The following RASSF3 variants were observed in gnomAD, a reference collection of about 807,000 sequenced individuals.
RASSF3 encodes the protein Ras association domain family member 3.
In RASSF3, 19 loss-of-function variants were observed where a neutral mutation model predicts 19.9. The observed-to-expected ratio is 0.96, with a 90% confidence interval of 0.67 to 1.40. RASSF3 has a LOEUF of 1.40. Among genes scored for constraint, RASSF3 ranks in the 40% most tolerant of loss-of-function variants. The probability of loss-of-function intolerance (pLI) is 0.00; values close to 1 mark genes in which losing one functional copy is unlikely to be tolerated. For synonymous variants in RASSF3, 110 were observed against 104.2 expected, an observed-to-expected ratio of 1.06 and a Z score of -0.34; for missense variants, 306 against 289.8, an observed-to-expected ratio of 1.06 and a Z score of -0.41.
intron 2 of RASSF3, among the ~76,000 whole-genome samples, chr12:64,591,908 T>C (rs1184424630): frequency 7.2e-6 from 1 of 138,668 alleles, no homozygotes; most frequent in Non-Finnish European, 1.5e-5. Context: ...CGGTTGCTGT[T>C]TTTTTTTTTT....
chr12:64,551,193 C>T (rs1361419297), intron 2 of RASSF3, among the ~76,000 whole-genome samples: 3 of 152,152 alleles, frequency 2.0e-5, no homozygotes, highest in African/African-American at 7.2e-5. Flanking sequence ...AGAGCAAGGA[C>T]GGTCAAGGTA....
intron 2 of RASSF3, among the ~76,000 whole-genome samples, chr12:64,561,987 G>GTATGTATTTATTTATTTATT (rs757565540): frequency 7.4e-6 from 1 of 135,342 alleles, no homozygotes; most frequent in African/African-American, 2.6e-5. Flanking sequence ...ATGGCCCATA[G>GTATGTATTTATTTATTTATT]TATTTATTTA....
At chr12:64,655,765 G>T (rs1289207934) in intron 1 of RASSF3, among the ~76,000 whole-genome samples, 1 of 151,998 alleles carries the variant, frequency 6.6e-6, no homozygotes, top group Non-Finnish European at 1.5e-5. Context: ...AGTAGCTCAC[G>T]CCTGTAATTC....
chr12:64,655,924 G>A (rs1302174957), intron 1 of RASSF3, among the ~76,000 whole-genome samples: 1 of 151,600 alleles, frequency 6.6e-6, no homozygotes, highest in Admixed American at 6.6e-5. Context: ...CTACTTGGGA[G>A]GCTAAGGCAG....
intron 1 of RASSF3, among the ~76,000 whole-genome samples, chr12:64,674,415 G>A (rs974523615): frequency 6.6e-5 from 10 of 152,146 alleles, no homozygotes; most frequent in African/African-American, 2.4e-4. Context: ...TATTCTGGGA[G>A]TGAAAGATGT....
chr12:64,527,081 G>C (rs1041693997), intron 1 of RASSF3, among the ~76,000 whole-genome samples: 2 of 152,228 alleles, frequency 1.3e-5, no homozygotes, highest in African/African-American at 4.8e-5. Context: ...GAATGGTGGT[G>C]CAATGAACGT....
chr12:64,541,445 C>A (rs1488636950), intron 1 of RASSF3: 15 of 395,720 alleles, frequency 3.8e-5, no homozygotes, highest in Non-Finnish European at 5.3e-5. Flanking sequence ...ATGGGCCCCA[C>A]ACAAACTCAT....
chr12:64,528,352 T>C (rs1383886453), upstream of RASSF3, among the ~76,000 whole-genome samples: 1 of 152,218 alleles, frequency 6.6e-6, no homozygotes, highest in East Asian at 1.9e-4. Context: ...CACCAGAGTA[T>C]GTCAACCACT....
intron 2 of RASSF3, among the ~76,000 whole-genome samples, chr12:64,587,553 C>T (rs1175914837): frequency 6.6e-6 from 1 of 152,076 alleles, no homozygotes; most frequent in African/African-American, 2.4e-5. Context: ...ATTTAAAAGA[C>T]CTTGGTTTTA....
intron 1 of RASSF3, among the ~76,000 whole-genome samples, chr12:64,675,055 C>A (rs1008160): frequency 2.5e-4 from 29 of 116,390 alleles, no homozygotes; most frequent in East Asian, 1.0e-3. Flanking sequence ...GCCCCCCCCC[C>A]CCCCGCCACC....
intron 1 of RASSF3, among the ~76,000 whole-genome samples, chr12:64,623,167 A>G (rs1206748108): frequency 6.6e-6 from 1 of 152,120 alleles, no homozygotes; most frequent in Non-Finnish European, 1.5e-5. Context: ...ATCTTTTTTG[A>G]TATTTTGCCA....
Position 64,694,836 on chromosome 12 carries a change from A to G in RASSF3, c.641A>G (p.Gln214Arg), listed in dbSNP as rs1201358543. 2 of 1,614,250 alleles carry G rather than the reference A, an allele frequency of 1.2e-6. No homozygotes were observed. Among genetic ancestry groups the G allele is most frequent in the Non-Finnish European group, 1.7e-6 (2 of 1,180,030 alleles). The change falls in exon 5 of 5, where the codon CAG becomes CGG. Residue 214 changes from glutamine to arginine, a missense_variant. Physicochemically the swap from Gln to Arg is conservative, Grantham distance 43 (BLOSUM62 1). Transcript: ENST00000542104. ...GACAAGGAAGAAGATGAACAGCTGC[A>G]GAACCTGAAGAGGCGCTACACAGCC... ...ILDKEEDEQLQNLKRRYTAYR... is the reference protein window; with the variant it reads ...ILDKEEDEQLRNLKRRYTAYR...
intron 3 of RASSF3, 84 bp from the exon 4 acceptor site, chr12:64,691,386 G>T: frequency 1.1e-6 from 1 of 901,820 alleles, no homozygotes; most frequent in South Asian, 1.4e-5. Flanking sequence ...TGGTTACCTT[G>T]ATCTGGAGGA....
At chr12:64,643,491 T>G (rs2136184975) in intron 1 of RASSF3, among the ~76,000 whole-genome samples, 1 of 152,114 alleles carries the variant, frequency 6.6e-6, no homozygotes, top group Non-Finnish European at 1.5e-5. Context: ...ATGGGATGAT[T>G]GTTCTTGTGA....
At chr12:64,576,158 A>G (rs1869592687) in intron 2 of RASSF3, among the ~76,000 whole-genome samples, 1 of 152,194 alleles carries the variant, frequency 6.6e-6, no homozygotes, top group African/African-American at 2.4e-5. Flanking sequence ...TCACAGAAAA[A>G]TTAAACCAAT....
At chr12:64,590,910 A>G (rs1619280) in intron 2 of RASSF3, among the ~76,000 whole-genome samples, 58,770 of 152,050 alleles carry the variant, frequency 0.39, 12,251 homozygotes, top group Non-Finnish European at 0.46. Context: ...AAGAGCATCA[A>G]CCAAGACACA....
chr12:64,674,519 T>G (rs1466353637), intron 1 of RASSF3, among the ~76,000 whole-genome samples: 2 of 152,160 alleles, frequency 1.3e-5, no homozygotes, highest in African/African-American at 4.8e-5. Context: ...AGGCGGAGGT[T>G]GCAGTGAGCC....
chr12:64,625,318 A>G (rs1411412287), intron 1 of RASSF3, among the ~76,000 whole-genome samples: 1 of 152,112 alleles, frequency 6.6e-6, no homozygotes, highest in Non-Finnish European at 1.5e-5. Context: ...GGGGCACCTA[A>G]TCACAAGTCT....
intron 1 of RASSF3, among the ~76,000 whole-genome samples, chr12:64,634,940 T>C (rs1565856637): frequency 6.7e-6 from 1 of 148,584 alleles, no homozygotes; most frequent in Non-Finnish European, 1.5e-5. Context: ...CCATGCATAG[T>C]TTCTTCTTTT....
Sources: allele counts gnomAD v4.1 joint callset (sites outside exome capture counted in the v4.1 genomes callset), GRCh38; gene constraint gnomAD v4.1.1; transcripts MANE v1.5; gene names NCBI Gene and HGNC (gene_info 2026-07-23, HGNC 2026-07-21).